The following SLC38A12 variants were observed in gnomAD, a reference collection of about 807,000 sequenced individuals.
SLC38A12 encodes the protein putative sodium-coupled neutral amino acid transporter 12.
chr17:74,818,576 G>C, the SLC38A12 span, among the ~76,000 whole-genome samples: 1 of 152,156 alleles, frequency 6.6e-6, no homozygotes, highest in East Asian at 1.9e-4. Flanking sequence ...CTACCTGTCA[G>C]TCACAGGGGC....
the SLC38A12 span, among the ~76,000 whole-genome samples, chr17:74,824,805 G>A: frequency 2.0e-5 from 3 of 152,316 alleles, no homozygotes; most frequent in Admixed American, 2.0e-4. Context: ...GCCTCATGAA[G>A]TTCTCGGCCC....
At chr17:74,801,087 G>A in the SLC38A12 span, among the ~76,000 whole-genome samples, 2 of 152,210 alleles carry the variant, frequency 1.3e-5, no homozygotes, top group African/African-American at 2.4e-5. Flanking sequence ...TTCCAGGGTC[G>A]GGGACATCCA....
At chr17:74,826,532 G>A in the SLC38A12 span, among the ~76,000 whole-genome samples, 2 of 152,244 alleles carry the variant, frequency 1.3e-5, no homozygotes. Context: ...AAACCCAAGT[G>A]CATGGTGGGT....
chr17:74,780,707 G>A, the SLC38A12 span, among the ~76,000 whole-genome samples: 10 of 152,254 alleles, frequency 6.6e-5, no homozygotes, highest in South Asian at 4.1e-4. Context: ...CTGAATGCTC[G>A]CCAGGAGTGC....
the SLC38A12 span, among the ~76,000 whole-genome samples, chr17:74,820,315 G>A: frequency 6.6e-6 from 1 of 152,208 alleles, no homozygotes; most frequent in South Asian, 2.1e-4. Context: ...GCCACTCTCT[G>A]CCTCTGGGTC....
the SLC38A12 span, chr17:74,838,450 A>C: frequency 2.9e-6 from 3 of 1,022,346 alleles, no homozygotes; most frequent in Non-Finnish European, 3.5e-6. Context: ...AAAGCTAATT[A>C]AATCATCCTG....
the SLC38A12 span, among the ~76,000 whole-genome samples, chr17:74,784,293 TAGG>T: frequency 6.6e-6 from 1 of 152,116 alleles, no homozygotes; most frequent in Non-Finnish European, 1.5e-5. Context: ...GAAGACCAGT[TAGG>T]AGTCTACTGC....
chr17:74,800,936 G>A, the SLC38A12 span, among the ~76,000 whole-genome samples: 9 of 152,328 alleles, frequency 5.9e-5, no homozygotes, highest in African/African-American at 2.2e-4. Flanking sequence ...AGCCCAGAAA[G>A]CAGACAGCCT....
At chr17:74,777,194 A>G in the SLC38A12 span, 384,647 of 899,364 alleles carry the variant, frequency 0.43, 87,234 homozygotes, top group Non-Finnish European at 0.48. Flanking sequence ...GTGGCAGGGG[A>G]AGTCTGCAAG....
the SLC38A12 span, chr17:74,836,824 A>G: frequency 2.3e-5 from 33 of 1,415,652 alleles, no homozygotes; most frequent in Non-Finnish European, 3.0e-5. The surrounding 1 kb of genome is among the most constrained non-coding windows in gnomAD (Gnocchi z 4.2). Flanking sequence ...CCCCCTGTCC[A>G]GCTGGGGTTG....
chr17:74,838,724 CT>C, the SLC38A12 span: 1 of 1,443,070 alleles, frequency 6.9e-7, no homozygotes, highest in East Asian at 2.5e-5. Context: ...TGCCAGGCTT[CT>C]GCCGCTGACG....
the SLC38A12 span, among the ~76,000 whole-genome samples, chr17:74,831,090 C>T: frequency 6.6e-6 from 1 of 152,230 alleles, no homozygotes; most frequent in East Asian, 1.9e-4. Context: ...CCGAAAGGTC[C>T]TCCACGTCCC....
chr17:74,793,391 C>T, the SLC38A12 span, among the ~76,000 whole-genome samples: 2 of 152,218 alleles, frequency 1.3e-5, no homozygotes, highest in African/African-American at 4.8e-5. Flanking sequence ...TGAAAACCTC[C>T]GCTGTGCTCC....
chr17:74,821,736 C>T, the SLC38A12 span, among the ~76,000 whole-genome samples: 205 of 152,368 alleles, frequency 1.3e-3, no homozygotes, highest in Non-Finnish European at 2.1e-3. Context: ...CCCTCCTTGC[C>T]TTCCTGGCCT....
the SLC38A12 span, among the ~76,000 whole-genome samples, chr17:74,782,713 G>A: frequency 2.0e-5 from 3 of 152,280 alleles, no homozygotes; most frequent in African/African-American, 7.2e-5. Context: ...TATTCTAGCA[G>A]CACCACTCTG....
the SLC38A12 span, chr17:74,789,007 G>A: frequency 7.2e-6 from 5 of 697,308 alleles, no homozygotes; most frequent in Non-Finnish European, 1.1e-5. Flanking sequence ...CCCAGTCCCA[G>A]AGCTGAAGCT....
At chr17:74,795,647 C>T in the SLC38A12 span, 1 of 1,604,614 alleles carries the variant, frequency 6.2e-7, no homozygotes, top group Non-Finnish European at 8.5e-7. Flanking sequence ...GTGTCTGTGC[C>T]TCTGTGCCGC....
At chr17:74,838,787 C>G in the SLC38A12 span, 4 of 1,489,716 alleles carry the variant, frequency 2.7e-6, no homozygotes, top group Middle Eastern at 2.1e-4. Flanking sequence ...AAGAGAGCCC[C>G]AGGTGATGCT....
the SLC38A12 span, chr17:74,791,055 G>A: frequency 1.2e-6 from 2 of 1,608,180 alleles, no homozygotes; most frequent in South Asian, 1.1e-5. Context: ...TCTTTTGGGG[G>A]TGGGGTGTGG....
Sources: allele counts gnomAD v4.1 joint callset (sites outside exome capture counted in the v4.1 genomes callset), GRCh38; gene constraint gnomAD v4.1.1; non-coding constraint Gnocchi (gnomAD v3.1); transcripts MANE v1.5; gene names NCBI Gene and HGNC (gene_info 2026-07-23, HGNC 2026-07-21).